The following OR52N1 variants were observed in gnomAD, a reference collection of about 807,000 sequenced individuals.
OR52N1 encodes olfactory receptor 52N1.
In OR52N1, 11 loss-of-function variants were observed where a neutral mutation model predicts 13.9. The ratio of observed to expected loss-of-function variants is 0.79; its 90% CI spans 0.50 to 1.31. The LOEUF is 1.31. Ranked by LOEUF, OR52N1 falls within the 40% of genes most tolerant of loss-of-function variation. The probability of loss-of-function intolerance (pLI) is 0.00; values close to 1 mark genes in which losing one functional copy is unlikely to be tolerated. For missense variants in OR52N1, 414 were observed against 397.7 expected (o/e 1.04, Z -0.35); for synonymous variants, 142 against 143.7 (o/e 0.99, Z 0.08).
Position 5,786,618 on chromosome 11 carries a change from C to A in OR52N1, c.*1236G>T, listed in dbSNP as rs921014671. Reference sequence around the variant, plus strand: ...GACATGAGCTCATCCTTTTTTATGGCTGCATAGTATTCCATGGTGTATATG... The same window carrying A: ...GACATGAGCTCATCCTTTTTTATGGATGCATAGTATTCCATGGTGTATATG... On this transcript the variant is annotated 3_prime_UTR_variant, in exon 2 of 2. Coordinates refer to ENST00000641645, the MANE Select transcript of OR52N1 (RefSeq NM_001001913.2). 27 of 137,546 alleles carry A rather than the reference C, an allele frequency of 2.0e-4. 2 individuals carry two copies. Among genetic ancestry groups the A allele is most frequent in the African/African-American group, 4.8e-4 (18 of 37,442 alleles). The allele number at this position is 137,546 out of a possible 1,614,324, so 8.5% of individuals were successfully genotyped here. A position where few individuals can be genotyped will look rare whatever the true frequency, so the allele number is the denominator to read the frequency against.
In OR52N1 at chr11:5,787,909, C is replaced by T. The variant is rs573040066; in HGVS notation, c.908G>A (p.Arg303Gln). 4.2e-5 allele frequency: 64 copies of T among 1,513,292 alleles called. 11 individuals are homozygous for T. In the Middle Eastern group the frequency reaches 7.4e-4, roughly 17 times the overall value. 93.7% of individuals were successfully genotyped at this position (1,513,292 alleles called of 1,614,324 possible). A position where few individuals can be genotyped will look rare whatever the true frequency, so the allele number is the denominator to read the frequency against. ...IVYGVKTRQV[R>Q]ESVIRFFLKG... ...AAGAAAGAACCTAATGACACTTTCT[C>T]GTACCTGCCTGGTTTTCACCCCATA... The change falls in exon 2 of 2, where the codon CGA becomes CAA. Residue 303 changes from arginine to glutamine, a missense_variant. Transcript: ENST00000641645.
At position 5,789,662 on chromosome 11, in the gene OR52N1, T is replaced by C. The variant is rs149996374; in HGVS notation, c.-44-802A>G. ...CTTTAGAACATAGTGCTTTATATTC[T>C]ACCCATATCAAAACTTCAGCCATAG... On this transcript the variant is annotated intron_variant, in intron 1 of 1. Transcript: ENST00000641645. 1.1e-4 allele frequency among the ~76,000 whole-genome samples: 17 copies of C among 152,252 alleles called. No homozygotes were observed. In the East Asian group the frequency reaches 3.1e-3, roughly 28 times the overall value.
chr11:5,789,836 A>G (rs149114812), intron 1 of OR52N1, among the ~76,000 whole-genome samples: 1 of 152,236 alleles, frequency 6.6e-6, no homozygotes, highest in East Asian at 1.9e-4. Context: ...TGGTAGAACA[A>G]GGACCAACAA....
Position 5,787,713 on chromosome 11 carries a change from TGG to T in OR52N1, c.*139_*140del. The T allele has an allele frequency of 9.2e-6, 7 of 760,176 alleles. No individual in the cohort carries two copies. Among genetic ancestry groups the T allele is most frequent in the Non-Finnish European group, 1.4e-5 (7 of 484,378 alleles). The allele number at this position is 760,176 out of a possible 1,614,324, so 47.1% of individuals were successfully genotyped here. On this transcript the variant is annotated 3_prime_UTR_variant, in exon 2 of 2. Coordinates refer to ENST00000641645, the MANE Select transcript of OR52N1 (RefSeq NM_001001913.2). ...AGGGTATTTACCTATTTGAACATGA[TGG>T]TACCCTTTCCAAAGATGTAGAGTAA... is the stretch of plus-strand genomic sequence containing the variant.
Position 5,791,111 on chromosome 11 carries a change from C to T in OR52N1, c.-45G>A, listed in dbSNP as rs1194444644. ...CTTAAACAAAAGTAAATCTGCTTAC[C>T]CTGAAAACTACCGGAGTTCCTCAAG... On this transcript the variant is annotated splice_region_variant and 5_prime_UTR_variant, in exon 1 of 2. Transcript: ENST00000641645. 1 of 152,018 alleles carries T rather than the reference C, an allele frequency of 6.6e-6. No individual in the cohort carries two copies. Among genetic ancestry groups the T allele is most frequent in the East Asian group, 1.9e-4 (1 of 5,204 alleles). The allele number at this position is 152,018 out of a possible 1,614,324, so 9.4% of individuals were successfully genotyped here.
rs774787785 is a variant in OR52N1, at chr11:5,788,268, G to A, written c.549C>T (p.His183=). ...GNVIPHTYCD[H]MSVAKISCGN... ...CACAAGATATCTTGGCCACAGACAT[G>A]TGGTCACAGTAGGTGTGGGGTATGA... Residue 183 remains histidine (H), a synonymous_variant, in exon 2 of 2, where the codon CAC becomes CAT. Transcript: ENST00000641645. 3.1e-6 allele frequency: 5 copies of A among 1,613,976 alleles called. No individual in the cohort carries two copies. In the Admixed American group the frequency reaches 5.0e-5, roughly 16 times the overall value.
chr11:5,789,513 A>G (rs1324869700), intron 1 of OR52N1, among the ~76,000 whole-genome samples: 1 of 152,140 alleles, frequency 6.6e-6, no homozygotes, highest in Non-Finnish European at 1.5e-5. Context: ...AGGATCATTA[A>G]AAATGCAAGA....
Position 5,788,721 on chromosome 11 carries a change from T to C in OR52N1, c.96A>G (p.Pro32=), listed in dbSNP as rs778109488. 31 of 1,613,394 alleles carry C rather than the reference T, an allele frequency of 1.9e-5. No homozygotes were observed. The East Asian group carries it at 5.4e-4, about 28-fold the overall frequency. ...TAGCAATGCTGTACATGGTACACAG[T>C]GGGAAGGAGATCCACAAATGCACAT... The part of the protein sequence containing the change: ...LEDVHLWISF[P]LCTMYSIAIT... Residue 32 remains proline, a synonymous_variant, in exon 2 of 2, where the codon CCA becomes CCG. Coordinates refer to ENST00000641645, the MANE Select transcript of OR52N1 (RefSeq NM_001001913.2).
Position 5,788,603 on chromosome 11 carries a change from C to A in OR52N1, c.214G>T (p.Asp72Tyr). Reference protein sequence around the residue: ...YVFLALLSFTDVLMCTSTLPN... With the variant: ...YVFLALLSFTYVLMCTSTLPN... ...AGGGTGCTGGTGCACATGAGCACAT[C>A]TGTGAAGGAAAGAAGGGCAAGGAAG... is the stretch of plus-strand genomic sequence containing the variant. Residue 72 changes from aspartate (D) to tyrosine (Y), a missense_variant, in exon 2 of 2, where the codon GAT (aspartate) becomes TAT (tyrosine). Asp to Tyr is a radical substitution (Grantham distance 160). Transcript: ENST00000641645. 1 of 1,614,000 alleles carries A rather than the reference C, an allele frequency of 6.2e-7. No individual in the cohort carries two copies. The highest frequency in any genetic ancestry group is 8.5e-7 in the Non-Finnish European group (1 of 1,179,980).
Position 5,787,049 on chromosome 11 carries a change from A to T in OR52N1, c.*805T>A, listed in dbSNP as rs968859089. The T allele has an allele frequency of 7.2e-6, 1 of 139,684 alleles. No homozygotes were observed. Among genetic ancestry groups the T allele is most frequent in the African/African-American group, 2.6e-5 (1 of 38,176 alleles). The allele number at this position is 139,684 out of a possible 1,614,324, so 8.7% of individuals were successfully genotyped here. On this transcript the variant is annotated 3_prime_UTR_variant, in exon 2 of 2. Coordinates refer to ENST00000641645, the MANE Select transcript of OR52N1 (RefSeq NM_001001913.2). ...GATATTACAAATAATAGGCTCATGA[A>T]ATATCACTAAGTTGATACACCCTGC...
At position 5,788,775 on chromosome 11, in the gene OR52N1, G is replaced by C. The variant is rs1380345903; in HGVS notation, c.42C>G (p.Phe14Leu). 6.2e-7 allele frequency: 1 copy of C among 1,608,926 alleles called. No homozygotes were observed. Among genetic ancestry groups the C allele is most frequent in the African/African-American group, 1.3e-5 (1 of 74,884 alleles). The part of the protein sequence containing the change: ...LNGTSLTPAS[F>L]ILNGIPGLED... ...CCAAACCAGGGATGCCATTTAGGAT[G>C]AATGAAGCTGGAGTTAGGCTGGTGC... The change falls in exon 2 of 2, where the codon TTC (phenylalanine) becomes TTG (leucine). Residue 14 changes from phenylalanine (F) to leucine (L), a missense_variant. Phe to Leu is a conservative substitution (Grantham distance 22). Coordinates refer to ENST00000641645, the MANE Select transcript of OR52N1 (RefSeq NM_001001913.2).
chr11:5,790,792 GT>G (rs1290645447), intron 1 of OR52N1, among the ~76,000 whole-genome samples: 1 of 151,916 alleles, frequency 6.6e-6, no homozygotes, highest in African/African-American at 2.4e-5. Flanking sequence ...TTAATAGGTT[GT>G]TTTTTTCTTC....
Position 5,787,942 on chromosome 11 carries a change from G to A in OR52N1, c.875C>T (p.Pro292Leu). 6.6e-7 allele frequency: 1 copy of A among 1,518,684 alleles called. No homozygotes were observed. The highest frequency in any genetic ancestry group is 1.4e-5 in the African/African-American group (1 of 70,196). 94.1% of individuals were successfully genotyped at this position (1,518,684 alleles called of 1,614,324 possible). A position where few individuals can be genotyped will look rare whatever the true frequency, so the allele number is the denominator to read the frequency against. Residue 292 changes from proline to leucine, a missense_variant, in exon 2 of 2, where the codon CCT becomes CTT. Physicochemically the swap from Pro to Leu is moderately conservative, Grantham distance 98. Transcript: ENST00000641645. ...CCTGGTTTTCACCCCATACACAATA[G>A]GGTTCATTGTGGGAGGCATTAGTAG... The part of the protein sequence containing the change: ...LYLLMPPTMN[P>L]IVYGVKTRQV...
chr11:5,790,853 T>A (rs1313285113), intron 1 of OR52N1, among the ~76,000 whole-genome samples: 1 of 152,094 alleles, frequency 6.6e-6, no homozygotes, highest in African/African-American at 2.4e-5. Flanking sequence ...GTCAGATACA[T>A]AGTTTGCAAA....
rs1854625900 is a variant in OR52N1 at position 5,788,745 on chromosome 11, A to G, written c.72T>C (p.Asp24=). The part of the protein sequence containing the change: ...FILNGIPGLE[D]VHLWISFPLC... ...GTGGGAAGGAGATCCACAAATGCAC[A>G]TCTTCCAAACCAGGGATGCCATTTA... Residue 24 remains aspartate, a synonymous_variant, in exon 2 of 2, where the codon GAT becomes GAC. Coordinates refer to ENST00000641645, the MANE Select transcript of OR52N1 (RefSeq NM_001001913.2). 4.3e-6 allele frequency: 7 copies of G among 1,612,554 alleles called. No individual in the cohort carries two copies. The highest frequency in any genetic ancestry group is 3.3e-5 in the Admixed American group (2 of 59,942).
rs758565262 is a variant in OR52N1, at chr11:5,788,579, G to C, written c.238C>G (p.Leu80Val). ...FTDVLMCTST[L>V]PNTLFILWFN... ...CACAATATGAAGAGAGTGTTGGGAA[G>C]GGTGCTGGTGCACATGAGCACATCT... Residue 80 changes from leucine to valine, a missense_variant, in exon 2 of 2, where the codon CTT (leucine) becomes GTT (valine). Transcript: ENST00000641645. The C allele has an allele frequency of 4.5e-5, 73 of 1,613,840 alleles. No individual in the cohort carries two copies. The highest frequency in any genetic ancestry group is 3.3e-4 in the East Asian group (15 of 44,876).
intron 1 of OR52N1, among the ~76,000 whole-genome samples, chr11:5,790,604 C>T (rs959307220): frequency 6.6e-6 from 1 of 152,062 alleles, no homozygotes; most frequent in Non-Finnish European, 1.5e-5. Flanking sequence ...CTCTCTTACT[C>T]ATCCTCATTT....
Position 5,788,831 on chromosome 11 carries a change from G to A in OR52N1, c.-15C>T, listed in dbSNP as rs754184894. On this transcript the variant is annotated 5_prime_UTR_variant, in exon 2 of 2. Transcript: ENST00000641645. Reference sequence around the variant, plus strand: ...AGAAATGACATAATGACTGTTGGAAGTTCATTGTATAGCAGTTATAGCATT... The same window carrying A: ...AGAAATGACATAATGACTGTTGGAAATTCATTGTATAGCAGTTATAGCATT... 2 of 1,589,590 alleles carry A rather than the reference G, an allele frequency of 1.3e-6. No individual in the cohort carries two copies. The highest frequency in any genetic ancestry group is 2.2e-5 in the East Asian group (1 of 44,638).
In OR52N1 at chr11:5,788,193, A is replaced by T. The variant is rs1361408405; in HGVS notation, c.624T>A (p.Ile208=). The T allele has an allele frequency of 3.7e-6, 6 of 1,613,912 alleles. No homozygotes were observed. The highest frequency in any genetic ancestry group is 5.1e-6 in the Non-Finnish European group (6 of 1,179,978). Reference sequence around the variant, plus strand: ...TAATGCACAGGATATCAAAGCCCCCAATCAGCAGGGCAACTATCAAACCAT... The same window carrying T: ...TAATGCACAGGATATCAAAGCCCCCTATCAGCAGGGCAACTATCAAACCAT... ...AIYGLIVALL[I]GGFDILCITI... The change falls in exon 2 of 2, where the codon ATT becomes ATA. Residue 208 remains isoleucine, a synonymous_variant. Coordinates refer to ENST00000641645, the MANE Select transcript of OR52N1 (RefSeq NM_001001913.2).
Sources: gnomAD v4.1 joint callset for allele counts (sites outside exome capture counted in the v4.1 genomes callset) on GRCh38, gnomAD v4.1.1 for gene constraint, MANE v1.5 for transcripts, NCBI Gene and HGNC (gene_info 2026-07-23, HGNC 2026-07-21) for gene names.